The following PPP1R12B variants were observed in gnomAD, a reference collection of about 807,000 sequenced individuals.
PPP1R12B encodes protein phosphatase 1 regulatory subunit 12B.
A neutral mutation model predicts 126.1 loss-of-function variants in PPP1R12B; 76 were observed. The observed-to-expected ratio is 0.60, with a 90% CI of 0.50 to 0.73. The LOEUF (loss-of-function observed/expected upper bound fraction) is 0.73. Ranked by LOEUF, PPP1R12B falls within the 30% of genes least tolerant of loss-of-function variation. PPP1R12B has a pLI of 0.00. For missense variants in PPP1R12B, 1,052 were observed against 1,205.1 expected (o/e 0.87, Z 1.88); for synonymous variants, 356 against 434.7 (o/e 0.82, Z 2.25).
chr1:202,353,629 T>TGTGTGTGTGTGTGTGTGTGA (rs540599307), intron 1 of PPP1R12B, among the ~76,000 whole-genome samples: 81 of 138,254 alleles, frequency 5.9e-4, no homozygotes, highest in Non-Finnish European at 8.7e-4. Context: ...TGTGTGTGTG[T>TGTGTGTGTGTGTGTGTGTGA]GACAGGGTCT....
chr1:202,561,385 C>A (rs78175562), intron 19 of PPP1R12B, among the ~76,000 whole-genome samples: 1 of 138,454 alleles, frequency 7.2e-6, no homozygotes. Flanking sequence ...AGACTGCAGT[C>A]TTTTTTTTTT....
intron 1 of PPP1R12B, among the ~76,000 whole-genome samples, chr1:202,359,364 C>T (rs1262766493): frequency 1.3e-5 from 2 of 151,968 alleles, no homozygotes; most frequent in East Asian, 1.9e-4. Context: ...AACTCCTGAC[C>T]TCAGGTGATC....
At chr1:202,368,281 C>T (rs1659634524) in intron 1 of PPP1R12B, among the ~76,000 whole-genome samples, 2 of 151,746 alleles carry the variant, frequency 1.3e-5, no homozygotes, top group Admixed American at 6.6e-5. Context: ...AAGATCTGGT[C>T]ATTTAAAAGT....
At chr1:202,359,679 G>C (rs994000677) in intron 1 of PPP1R12B, among the ~76,000 whole-genome samples, 17 of 140,088 alleles carry the variant, frequency 1.2e-4, no homozygotes, top group Middle Eastern at 7.1e-3. Context: ...TACTGGCGGT[G>C]GGGGGTGGGG....
At chr1:202,516,892 A>G (rs1682208544) in intron 18 of PPP1R12B, among the ~76,000 whole-genome samples, 1 of 151,546 alleles carries the variant, frequency 6.6e-6, no homozygotes, top group South Asian at 2.1e-4. Context: ...CAGTTATGAA[A>G]ATAGCTAGTT....
rs768533037 is a variant in PPP1R12B at position 202,562,930 on chromosome 1, C to T, written c.2652+8C>T. Reference sequence around the variant, plus strand: ...AACAGAGATTATAAAAAAGTAGGGTCTTTATTCAATTTTCCGGTTCTTTGG... The same window carrying T: ...AACAGAGATTATAAAAAAGTAGGGTTTTTATTCAATTTTCCGGTTCTTTGG... On this transcript the variant is annotated splice_region_variant and intron_variant, in intron 20 of 23. Transcript: ENST00000608999. The T allele has an allele frequency of 6.4e-7, 1 of 1,551,948 alleles. No homozygotes were observed. The highest frequency in any genetic ancestry group is 8.7e-7 in the Non-Finnish European group (1 of 1,153,560).
At chr1:202,399,777 T>A (rs1338037176) in intron 1 of PPP1R12B, among the ~76,000 whole-genome samples, 1 of 152,246 alleles carries the variant, frequency 6.6e-6, no homozygotes, top group Non-Finnish European at 1.5e-5. Flanking sequence ...ATTACAGGCA[T>A]GAGCCACTGC....
At chr1:202,553,148 GT>G (rs1686494366) in intron 18 of PPP1R12B, among the ~76,000 whole-genome samples, 2 of 152,222 alleles carry the variant, frequency 1.3e-5, no homozygotes, top group South Asian at 4.1e-4. Context: ...CTGCTTCTTA[GT>G]TTTGGGACAT....
Position 202,419,861 on chromosome 1 carries a change from G to A in PPP1R12B, c.423-2759G>A, listed in dbSNP as rs1668536766. ...GTTAAAGATGCGCACCCAGGAAACA[G>A]ATCTGTGCCTTTCCCCAGAGATCAA... is the stretch of plus-strand genomic sequence containing the variant. On this transcript the variant is annotated intron_variant, in intron 2 of 23. Coordinates refer to ENST00000608999, the MANE Select transcript of PPP1R12B (RefSeq NM_002481.4). This position sits in a 1 kb window ranked among gnomAD's most constrained non-coding sequence, Gnocchi z 4.6. Among the ~76,000 whole-genome samples the A allele has an allele frequency of 6.6e-6, 1 of 152,202 alleles. No individual in the cohort carries two copies. Among genetic ancestry groups the A allele is most frequent in the South Asian group, 2.1e-4 (1 of 4,826 alleles).
At chr1:202,414,563 T>G (rs1312376343) in intron 1 of PPP1R12B, among the ~76,000 whole-genome samples, 1 of 152,198 alleles carries the variant, frequency 6.6e-6, no homozygotes, top group Non-Finnish European at 1.5e-5. Flanking sequence ...CTCATGGTGG[T>G]AGCTGTTTCC....
At chr1:202,573,308 T>C (rs1688783841) in intron 23 of PPP1R12B, among the ~76,000 whole-genome samples, 1 of 152,196 alleles carries the variant, frequency 6.6e-6, no homozygotes, top group Non-Finnish European at 1.5e-5. Flanking sequence ...TTGGCTAGCC[T>C]ACCTTTATTC....
chr1:202,505,148 T>G (rs1404163388), intron 18 of PPP1R12B, among the ~76,000 whole-genome samples: 1 of 152,206 alleles, frequency 6.6e-6, no homozygotes, highest in African/African-American at 2.4e-5. Flanking sequence ...AGGAGATTGC[T>G]GAAGTAGGGG....
intron 1 of PPP1R12B, among the ~76,000 whole-genome samples, chr1:202,353,449 A>G (rs2148372117): frequency 6.6e-6 from 1 of 151,208 alleles, no homozygotes; most frequent in Middle Eastern, 3.5e-3. Context: ...ATTGCTTAAT[A>G]TGTTGCATCA....
Position 202,567,838 on chromosome 1 carries a change from G to A in PPP1R12B, c.2811+7G>A, listed in dbSNP as rs760169900. 7.4e-6 allele frequency: 12 copies of A among 1,613,474 alleles called. No homozygotes were observed. Among genetic ancestry groups the A allele is most frequent in the African/African-American group, 4.0e-5 (3 of 74,896 alleles). On this transcript the variant is annotated splice_region_variant and intron_variant, in intron 22 of 23. Transcript: ENST00000608999. ...GCTGGAGATGGAGAAACGGGTATGCGCATGTCTGTTTCCCCCTCCACCCCA... is the reference window on the plus strand; with the variant it reads ...GCTGGAGATGGAGAAACGGGTATGCACATGTCTGTTTCCCCCTCCACCCCA...
Position 202,432,539 on chromosome 1 carries a change from T to C in PPP1R12B, c.1141+920T>C, listed in dbSNP as rs569104978. Among the ~76,000 whole-genome samples, 112 of 152,286 alleles carry C rather than the reference T, an allele frequency of 7.4e-4. 2 individuals are homozygous for C. In the South Asian group the frequency reaches 0.022, roughly 30 times the overall value. On this transcript the variant is annotated intron_variant, in intron 8 of 23. Transcript: ENST00000608999. ...GCCTTGGCCTCCCTAAGTGCTAGGATTACAGGCATGAGCCACTGCACCTGG... is the reference window on the plus strand; with the variant it reads ...GCCTTGGCCTCCCTAAGTGCTAGGACTACAGGCATGAGCCACTGCACCTGG...
At chr1:202,406,245 G>A (rs1206460056) in intron 1 of PPP1R12B, among the ~76,000 whole-genome samples, 4 of 152,198 alleles carry the variant, frequency 2.6e-5, no homozygotes, top group Non-Finnish European at 5.9e-5. Flanking sequence ...CCACTGGGGG[G>A]CTGTGATTAA....
chr1:202,416,217 A>G (rs2148615809), intron 1 of PPP1R12B, among the ~76,000 whole-genome samples: 1 of 152,326 alleles, frequency 6.6e-6, no homozygotes, highest in Non-Finnish European at 1.5e-5. Flanking sequence ...AATCCTAATA[A>G]TACTATAAAT....
intron 23 of PPP1R12B, among the ~76,000 whole-genome samples, chr1:202,571,642 GAC>G (rs1340521081): frequency 6.6e-6 from 1 of 152,214 alleles, no homozygotes; most frequent in Non-Finnish European, 1.5e-5. Context: ...TTTTAGTAGA[GAC>G]AGGGTTTCAC....
At chr1:202,546,391 G>A (rs1369013374) in intron 18 of PPP1R12B, among the ~76,000 whole-genome samples, 2 of 152,134 alleles carry the variant, frequency 1.3e-5, no homozygotes, top group African/African-American at 4.8e-5. Flanking sequence ...GATTGCTTGA[G>A]CCCAGGAGTT....
Sources: gnomAD v4.1 joint callset for allele counts (sites outside exome capture counted in the v4.1 genomes callset) on GRCh38, gnomAD v4.1.1 for gene constraint, Gnocchi (gnomAD v3.1) non-coding constraint, MANE v1.5 for transcripts, NCBI Gene and HGNC (gene_info 2026-07-23, HGNC 2026-07-21) for gene names.